The following SMYD2 variants were observed in gnomAD, a reference collection of about 807,000 sequenced individuals.
SMYD2 encodes N-lysine methyltransferase SMYD2.
A neutral mutation model predicts 59.1 loss-of-function variants in SMYD2; 53 were observed. That is an observed-to-expected ratio of 0.90 (90% CI 0.72 to 1.13). The LOEUF (loss-of-function observed/expected upper bound fraction) is 1.13, where lower values mean the gene tolerates loss of function less well. Ranked by LOEUF, SMYD2 falls within the 50% of genes most tolerant of loss-of-function variation. The pLI is 0.00. For synonymous variants in SMYD2, 208 were observed against 198.8 expected, an observed-to-expected ratio of 1.05 and a Z score of -0.39; for missense variants, 494 against 544.7, an observed-to-expected ratio of 0.91 and a Z score of 0.93.
chr1:214,316,834 G>A (rs1293371948), intron 3 of SMYD2, among the ~76,000 whole-genome samples: 1 of 152,114 alleles, frequency 6.6e-6, no homozygotes, highest in Non-Finnish European at 1.5e-5. Context: ...TTAACTTTCG[G>A]ATCCTTAATA....
chr1:214,324,791 C>A, intron 6 of SMYD2, 83 bp downstream of exon 6: 1 of 1,230,684 alleles, frequency 8.1e-7, no homozygotes, highest in Non-Finnish European at 1.2e-6. Flanking sequence ...AATAACCCAC[C>A]TAACTGCATG....
chr1:214,283,623 C>T (rs1656483069), intron 1 of SMYD2, among the ~76,000 whole-genome samples: 2 of 152,148 alleles, frequency 1.3e-5, no homozygotes, highest in South Asian at 4.1e-4. Flanking sequence ...CCTCTGTCAG[C>T]AATTTGTATA....
At chr1:214,281,468 G>A (rs745697396) in intron 1 of SMYD2, 41 bp downstream of exon 1, 18 of 1,310,778 alleles carry the variant, frequency 1.4e-5, no homozygotes, top group South Asian at 2.2e-5. Context: ...GGAGCCGGGG[G>A]CGCCGAGCGG....
intron 1 of SMYD2, among the ~76,000 whole-genome samples, chr1:214,300,205 T>G (rs1656799140): frequency 6.6e-6 from 1 of 152,288 alleles, no homozygotes; most frequent in Middle Eastern, 3.4e-3. Flanking sequence ...AGTAAAATCT[T>G]CCCTAGAGCC....
At chr1:214,332,666 C>T (rs540200317) in intron 10 of SMYD2, 1 of 153,282 alleles carries the variant, frequency 6.5e-6, no homozygotes, top group East Asian at 1.9e-4. Flanking sequence ...TCTAATCTCC[C>T]CACCCCAGGT....
chr1:214,287,609 G>A (rs1362355575), intron 1 of SMYD2, among the ~76,000 whole-genome samples: 172 of 73,166 alleles, frequency 2.4e-3, no homozygotes, highest in Non-Finnish European at 2.8e-3. Flanking sequence ...AAAAAAAAAA[G>A]ATGGCCTGTT....
Position 214,318,130 on chromosome 1 carries a change from T to G in SMYD2, c.400T>G (p.Phe134Val). 6.2e-7 allele frequency: 1 copy of G among 1,613,822 alleles called. No homozygotes were observed. The highest frequency in any genetic ancestry group is 8.5e-7 in the Non-Finnish European group (1 of 1,179,940). ...PSEKLLAVKEFESHLDKLDNE... is the reference protein window; with the variant it reads ...PSEKLLAVKEVESHLDKLDNE... ...GGAAAAATTGTTAGCTGTGAAGGAG[T>G]TTGAATCACGTAAGTCTTTCTGTGA... Residue 134 changes from phenylalanine to valine, a missense_variant, in exon 4 of 12, where the codon TTT becomes GTT. Coordinates refer to ENST00000366957, the MANE Select transcript of SMYD2 (RefSeq NM_020197.3). This position sits in a 1 kb window ranked among gnomAD's most constrained non-coding sequence, Gnocchi z 5.4.
chr1:214,285,003 T>C (rs1210048092), intron 1 of SMYD2, among the ~76,000 whole-genome samples: 1 of 152,210 alleles, frequency 6.6e-6, no homozygotes, highest in Non-Finnish European at 1.5e-5. Flanking sequence ...TTATTGACAT[T>C]TCTTTGTTTG....
intron 6 of SMYD2, among the ~76,000 whole-genome samples, chr1:214,325,773 C>CTT (rs59821609): frequency 0.073 from 8,621 of 118,446 alleles, 367 homozygotes; most frequent in Non-Finnish European, 0.093. Flanking sequence ...AGGAAAGAAG[C>CTT]TTTTTTTTTT....
rs141303606 is a variant in SMYD2, at chr1:214,318,766, G to A, written c.410-93G>A. 636 of 1,308,554 alleles carry A rather than the reference G, an allele frequency of 4.9e-4. 7 individuals are homozygous for A. In the East Asian group the frequency reaches 0.012, roughly 24 times the overall value. The allele number at this position is 1,308,554 out of a possible 1,614,324, so 81.1% of individuals were successfully genotyped here. On this transcript the variant is annotated intron_variant, in intron 4 of 11. Transcript: ENST00000366957. The surrounding 1 kb of genome is among the most constrained non-coding windows in gnomAD (Gnocchi z 5.4). ...GTTTTGGGTTTTTTTTTTTTCGCCC[G>A]TTCCTTTCCTCTGTATCATTTACAG...
At chr1:214,321,596 T>C (rs1379475070) in intron 5 of SMYD2, among the ~76,000 whole-genome samples, 2 of 152,198 alleles carry the variant, frequency 1.3e-5, no homozygotes, top group Non-Finnish European at 2.9e-5. Flanking sequence ...TGTTGTGGGT[T>C]ACCTCGAGAC....
At chr1:214,308,120 T>C (rs1656943655) in intron 2 of SMYD2, among the ~76,000 whole-genome samples, 1 of 152,248 alleles carries the variant, frequency 6.6e-6, no homozygotes, top group Non-Finnish European at 1.5e-5. Flanking sequence ...GGATTACTTC[T>C]GTAATTCTGC....
chr1:214,281,285 C>G lies in SMYD2; in HGVS notation c.31C>G (p.Arg11Gly), dbSNP rs1571915369. 3.0e-6 allele frequency: 4 copies of G among 1,326,042 alleles called. No homozygotes were observed. Among genetic ancestry groups the G allele is most frequent in the Non-Finnish European group, 3.9e-6 (4 of 1,030,302 alleles). The allele number at this position is 1,326,042 out of a possible 1,614,324, so 82.1% of individuals were successfully genotyped here. The stretch of plus-strand genomic sequence containing the variant: ...GGCCGAGGGCCTCGGCGGCCTGGAG[C>G]GCTTCTGCAGCCCGGGCAAAGGCCG... MRAEGLGGLE[R>G]FCSPGKGRGL... The change falls in exon 1 of 12, where the codon CGC becomes GGC. Residue 11 changes from arginine to glycine, a missense_variant. Physicochemically the swap from Arg to Gly is moderately radical, Grantham distance 125. Coordinates refer to ENST00000366957, the MANE Select transcript of SMYD2 (RefSeq NM_020197.3).
chr1:214,304,871 A>G (rs1031072710), intron 1 of SMYD2, among the ~76,000 whole-genome samples: 1 of 152,196 alleles, frequency 6.6e-6, no homozygotes, highest in Admixed American at 6.5e-5. Flanking sequence ...AGTTCTGTGC[A>G]GATGATGTTC....
intron 1 of SMYD2, among the ~76,000 whole-genome samples, chr1:214,301,881 A>G (rs967268835): frequency 2.0e-5 from 3 of 152,092 alleles, no homozygotes; most frequent in Non-Finnish European, 4.4e-5. Context: ...CTGGACTTCA[A>G]TATGAAGCAG....
chr1:214,324,579 G>T (rs949741259), intron 5 of SMYD2, 62 bp from the exon 6 acceptor site: 5 of 1,398,322 alleles, frequency 3.6e-6, no homozygotes, highest in Non-Finnish European at 5.0e-6. Context: ...TTAAAAAAAT[G>T]ATCTCTACCC....
chr1:214,293,858 T>C (rs958602184), intron 1 of SMYD2, among the ~76,000 whole-genome samples: 1 of 152,166 alleles, frequency 6.6e-6, no homozygotes, highest in African/African-American at 2.4e-5. Flanking sequence ...GTATTTTTAC[T>C]AGTGACGGGG....
chr1:214,334,657 A>G (rs1019800833), intron 11 of SMYD2, among the ~76,000 whole-genome samples: 1 of 152,202 alleles, frequency 6.6e-6, no homozygotes, highest in Non-Finnish European at 1.5e-5. Context: ...GAGGTAGGAT[A>G]TGGAGAGTTA....
intron 5 of SMYD2, among the ~76,000 whole-genome samples, chr1:214,324,164 C>A (rs1370946941): frequency 6.6e-6 from 1 of 151,590 alleles, no homozygotes; most frequent in Non-Finnish European, 1.5e-5. Context: ...TTCGAACTCC[C>A]GACCTCAGGT....
Sources: gnomAD v4.1 joint callset for allele counts (sites outside exome capture counted in the v4.1 genomes callset) on GRCh38, gnomAD v4.1.1 for gene constraint, Gnocchi (gnomAD v3.1) non-coding constraint, MANE v1.5 for transcripts, NCBI Gene and HGNC (gene_info 2026-07-23, HGNC 2026-07-21) for gene names.